The following ABCA1 variants were observed in gnomAD, a reference collection of about 807,000 sequenced individuals.
ABCA1 encodes phospholipid-transporting ATPase ABCA1.
In ABCA1, 133 loss-of-function variants were observed where a neutral mutation model predicts 262.5. The observed-to-expected ratio is 0.51, with a 90% CI of 0.44 to 0.59. ABCA1 has a LOEUF of 0.59. Among genes scored for constraint, ABCA1 ranks in the 20% least tolerant of loss-of-function variants. The pLI, the probability that ABCA1 is intolerant of heterozygous loss-of-function variation, is 0.00. For synonymous variants in ABCA1, 1,022 were observed against 1,043.5 expected, an observed-to-expected ratio of 0.98 and a Z score of 0.40; for missense variants, 2,452 against 2,777.5, an observed-to-expected ratio of 0.88 and a Z score of 2.63.
chr9:104,862,676 G>C (rs1340413856), intron 5 of ABCA1, among the ~76,000 whole-genome samples: 272 of 1,812 alleles, frequency 0.15, 79 homozygotes, highest in African/African-American at 0.35. Flanking sequence ...GGCCGGGCCG[G>C]GCCGGGCCGG....
chr9:104,889,869 C>T (rs1018906145), intron 2 of ABCA1, among the ~76,000 whole-genome samples: 1 of 152,194 alleles, frequency 6.6e-6, no homozygotes, highest in Non-Finnish European at 1.5e-5. Flanking sequence ...AGTGCAAAGT[C>T]CTTCCCCATC....
At position 104,814,245 on chromosome 9, in the gene ABCA1, G is replaced by A; in HGVS notation, c.3788-14C>T. On this transcript the variant is annotated splice_polypyrimidine_tract_variant and intron_variant, in intron 26 of 49. Transcript: ENST00000374736. ...GCAAGGTACCATCTGAAGGCACAAGGAAAGAATCCCATACTTTATTTTATT... is the reference window on the plus strand; with the variant it reads ...GCAAGGTACCATCTGAAGGCACAAGAAAAGAATCCCATACTTTATTTTATT... 6.2e-7 allele frequency: 1 copy of A among 1,612,764 alleles called. No homozygotes were observed. The highest frequency in any genetic ancestry group is 8.5e-7 in the Non-Finnish European group (1 of 1,178,722).
Position 104,794,512 on chromosome 9 carries a change from T to A in ABCA1, c.5383-2A>T, listed in dbSNP as rs1245825127. On this transcript the variant is annotated splice_acceptor_variant, in intron 39 of 49. Coordinates refer to ENST00000374736, the MANE Select transcript of ABCA1 (RefSeq NM_005502.4). LOFTEE classifies it high-confidence loss of function. ...GATATCATTGATATTATTCAGCTTC[T>A]AAAAAAAAAAAAAAAAAATGGGAGG... is the stretch of plus-strand genomic sequence containing the variant. 7.4e-4 allele frequency: 954 copies of A among 1,288,284 alleles called. No homozygotes were observed. Among genetic ancestry groups the A allele is most frequent in the Admixed American group, 2.6e-3 (102 of 38,648 alleles). The allele number at this position is 1,288,284 out of a possible 1,614,324, so 79.8% of individuals were successfully genotyped here. A position where few individuals can be genotyped will look rare whatever the true frequency, so the allele number is the denominator to read the frequency against.
At chr9:104,790,327 A>G (rs1210048320) in intron 44 of ABCA1, among the ~76,000 whole-genome samples, 2 of 152,198 alleles carry the variant, frequency 1.3e-5, no homozygotes, top group Admixed American at 1.3e-4. Flanking sequence ...ATACAGGGAC[A>G]TATTTACATA....
chr9:104,903,753 C>CA lies in ABCA1; in HGVS notation c.-75_-74insT. On this transcript the variant is annotated 5_prime_UTR_variant, in exon 2 of 50. An upstream open reading frame in the 5' UTR gains an earlier in-frame stop. Transcript: ENST00000374736. Reference sequence around the variant, plus strand: ...CAGCGGCCAGAGCTCACAGCAGGGACGCCGTGGCTGGTCATTAACTGAAAG... The same window carrying CA: ...CAGCGGCCAGAGCTCACAGCAGGGACAGCCGTGGCTGGTCATTAACTGAAAG... The CA allele has an allele frequency of 2.1e-6, 3 of 1,407,822 alleles. No homozygotes were observed. The highest frequency in any genetic ancestry group is 2.5e-5 in the East Asian group (1 of 40,060). 87.2% of individuals were successfully genotyped at this position (1,407,822 alleles called of 1,614,324 possible). A position where few individuals can be genotyped will look rare whatever the true frequency, so the allele number is the denominator to read the frequency against.
At chr9:104,906,388 C>T (rs1841135960) in intron 1 of ABCA1, among the ~76,000 whole-genome samples, 2 of 152,130 alleles carry the variant, frequency 1.3e-5, no homozygotes, top group Admixed American at 6.5e-5. Context: ...TCTTGGACAG[C>T]ATTTTCTTGG....
chr9:104,820,354 G>C (rs1184615367), intron 20 of ABCA1, among the ~76,000 whole-genome samples: 1 of 151,974 alleles, frequency 6.6e-6, no homozygotes, highest in Non-Finnish European at 1.5e-5. Context: ...TCAATTTCAG[G>C]GCCCCAAGAT....
Position 104,882,028 on chromosome 9 carries a change from T to TAAAAAAAAAAAAAAAAAAAAAAA in ABCA1, c.421+988_421+1010dup, listed in dbSNP as rs557626075. Among the ~76,000 whole-genome samples, 35 of 73,750 alleles carry TAAAAAAAAAAAAAAAAAAAAAAA rather than the reference T, an allele frequency of 4.7e-4. 2 individuals are homozygous for TAAAAAAAAAAAAAAAAAAAAAAA. Among genetic ancestry groups the TAAAAAAAAAAAAAAAAAAAAAAA allele is most frequent in the South Asian group, 1.2e-3 (2 of 1,690 alleles). 48.4% of individuals were successfully genotyped at this position (73,750 alleles called of 152,430 possible). On this transcript the variant is annotated intron_variant, in intron 5 of 49. Transcript: ENST00000374736. ...CAAGGAAAGCACAGTTCTGTAGCCTTAAAAAAAAAAAAAAAAAAAAAAAAA... is the reference window on the plus strand; with the variant it reads ...CAAGGAAAGCACAGTTCTGTAGCCTTAAAAAAAAAAAAAAAAAAAAAAAAAAAAAAAAAAAAAAAAAAAAAAAA...
intron 1 of ABCA1, among the ~76,000 whole-genome samples, chr9:104,923,884 T>G (rs988471860): frequency 2.6e-5 from 4 of 151,982 alleles, no homozygotes; most frequent in Non-Finnish European, 5.9e-5. Flanking sequence ...TACAAAAAAT[T>G]GTAAAAATTT....
In ABCA1 at chr9:104,804,640, C is replaced by G; in HGVS notation, c.4545G>C (p.Gln1515His). The G allele has an allele frequency of 6.2e-7, 1 of 1,614,172 alleles. No homozygotes were observed. Among genetic ancestry groups the G allele is most frequent in the Non-Finnish European group, 8.5e-7 (1 of 1,180,002 alleles). ...TAAAAAGTCACCTTTTGGCTATGAT[C>G]TGCACATACGTCTTCACCAGATAAT... ...ISDYLVKTYV[Q>H]IIAKSLKNKI... is the part of the protein sequence containing the mutation. The change falls in exon 32 of 50, where the codon CAG (glutamine) becomes CAC (histidine). Residue 1515 changes from glutamine (Q) to histidine (H), a missense_variant. Physicochemically the swap from Gln to His is conservative, Grantham distance 24. Around this residue, in one of 4 missense-constraint regions of ABCA1, gnomAD observed 752 missense variants for 944.5 expected, o/e 0.80. Coordinates refer to ENST00000374736, the MANE Select transcript of ABCA1 (RefSeq NM_005502.4).
chr9:104,911,049 G>A (rs1361739139), intron 1 of ABCA1, among the ~76,000 whole-genome samples: 2 of 152,042 alleles, frequency 1.3e-5, no homozygotes, highest in Admixed American at 6.6e-5. Context: ...TGTCTTTTTC[G>A]TAATTGAGGT....
intron 18 of ABCA1, among the ~76,000 whole-genome samples, chr9:104,823,064 GA>G (rs34239819): frequency 0.014 from 1,876 of 138,242 alleles, 15 homozygotes; most frequent in African/African-American, 0.031. Flanking sequence ...ACTGCTGAGT[GA>G]AAAAAAAAAA....
intron 5 of ABCA1, among the ~76,000 whole-genome samples, chr9:104,874,687 G>A (rs182499621): frequency 0.015 from 2,280 of 152,244 alleles, 54 homozygotes; most frequent in African/African-American, 0.052. Context: ...TCAGGAGTTC[G>A]AGACCAGCCT....
chr9:104,831,601 G>C (rs916997386), intron 13 of ABCA1, 21 bp downstream of exon 13: 5 of 1,598,806 alleles, frequency 3.1e-6, no homozygotes, highest in Admixed American at 1.7e-5. Flanking sequence ...GACCAGGCTG[G>C]TGTGATGGGA....
rs1214756472 is a variant in ABCA1 at position 104,782,931 on chromosome 9, A to G, written c.*1384T>C. On this transcript the variant is annotated 3_prime_UTR_variant, in exon 50 of 50. Transcript: ENST00000374736. ...GACAACCTATATTTGTAAACCAGTG[A>G]GCTGAATAACATGGCACAGGAAGTG... is the stretch of plus-strand genomic sequence containing the variant. 6.6e-6 allele frequency: 1 copy of G among 152,338 alleles called. No homozygotes were observed. Among genetic ancestry groups the G allele is most frequent in the Non-Finnish European group, 1.5e-5 (1 of 68,020 alleles). The allele number at this position is 152,338 out of a possible 1,614,324, so 9.4% of individuals were successfully genotyped here.
intron 1 of ABCA1, among the ~76,000 whole-genome samples, chr9:104,915,370 C>T (rs1315412241): frequency 6.6e-6 from 1 of 152,112 alleles, no homozygotes; most frequent in Admixed American, 6.5e-5. Context: ...TAAGTCTTGC[C>T]CTCCAAAACT....
Position 104,817,298 on chromosome 9 carries a change from G to A in ABCA1, c.3535+34C>T. The A allele has an allele frequency of 6.2e-7, 1 of 1,614,016 alleles. No individual in the cohort carries two copies. The highest frequency in any genetic ancestry group is 8.5e-7 in the Non-Finnish European group (1 of 1,179,974). The stretch of plus-strand genomic sequence containing the variant: ...CTCTGCCCAGCTGGGGGAAGCTCAG[G>A]CACCACCTGAATAAGAAACCCCAGA... On this transcript the variant is annotated intron_variant, in intron 24 of 49. Transcript: ENST00000374736. The surrounding 1 kb of genome is among the most constrained non-coding windows in gnomAD (Gnocchi z 4.7).
chr9:104,893,421 C>CAAAAAAA lies in ABCA1; in HGVS notation c.67-4233_67-4227dup, dbSNP rs34544647. 6.4e-3 allele frequency among the ~76,000 whole-genome samples: 227 copies of CAAAAAAA among 35,208 alleles called. 21 individuals carry two copies. The highest frequency in any genetic ancestry group is 8.1e-3 in the African/African-American group (87 of 10,746). The allele number at this position is 35,208 out of a possible 152,430, so 23.1% of individuals were successfully genotyped here. A position where few individuals can be genotyped will look rare whatever the true frequency, so the allele number is the denominator to read the frequency against. On this transcript the variant is annotated intron_variant, in intron 2 of 49. Coordinates refer to ENST00000374736, the MANE Select transcript of ABCA1 (RefSeq NM_005502.4). ...TGGGCAACAGAGTGAGACTTCACCT[C>CAAAAAAA]AAAAAAAAAAAAAAAAAAAAAAAAA...
At chr9:104,842,338 T>C (rs1415447191) in intron 8 of ABCA1, among the ~76,000 whole-genome samples, 2 of 152,178 alleles carry the variant, frequency 1.3e-5, no homozygotes, top group African/African-American at 2.4e-5. Flanking sequence ...TTGTTGCTTA[T>C]TGGAACAGCC....
Sources: allele counts gnomAD v4.1 joint callset (sites outside exome capture counted in the v4.1 genomes callset), GRCh38; gene constraint gnomAD v4.1.1; regional missense constraint gnomAD v4.1.1; non-coding constraint Gnocchi (gnomAD v3.1); transcripts MANE v1.5; gene names NCBI Gene and HGNC (gene_info 2026-07-23, HGNC 2026-07-21).